Variants in TIE1 observed in about 807,000 individuals in gnomAD.
TIE1 encodes the protein tyrosine kinase with immunoglobulin like and EGF like domains 1.
A neutral mutation model predicts 130.5 loss-of-function variants in TIE1; 89 were observed. That is an observed-to-expected ratio of 0.68 (90% CI 0.57 to 0.81). TIE1 has a LOEUF of 0.81. Among genes scored for constraint, TIE1 ranks in the 40% least tolerant of loss-of-function variants. The probability of loss-of-function intolerance (pLI) is 0.00; values close to 1 mark genes in which losing one functional copy is unlikely to be tolerated. For synonymous variants in TIE1, 568 were observed against 629.4 expected (o/e 0.90, Z 1.46); for missense variants, 1,392 against 1,559.8 (o/e 0.89, Z 1.81).
intron 1 of TIE1, among the ~76,000 whole-genome samples, chr1:43,303,686 CCA>C (rs1224132852): frequency 6.6e-6 from 1 of 152,124 alleles, no homozygotes; most frequent in Non-Finnish European, 1.5e-5. Flanking sequence ...ATTTTGTACT[CCA>C]GTCACACAAA....
At position 43,304,972 on chromosome 1, in the gene TIE1, C is replaced by T. The variant is rs1374294004; in HGVS notation, c.180C>T (p.Pro60=). Reference sequence around the variant, plus strand: ...GGGGCTCGGACGCCTGGGGCCCGCCCCTGCTGCTGGAGAAGGACGACCGTA... The same window carrying T: ...GGGGCTCGGACGCCTGGGGCCCGCCTCTGCTGCTGGAGAAGGACGACCGTA... ...AGRGSDAWGP[P]LLLEKDDRIV... is the part of the protein sequence containing the mutation. Residue 60 remains proline, a synonymous_variant, in exon 2 of 23, where the codon CCC becomes CCT. Transcript: ENST00000372476. 1.4e-6 allele frequency: 2 copies of T among 1,474,000 alleles called. No homozygotes were observed. The highest frequency in any genetic ancestry group is 2.5e-5 in the Admixed American group (1 of 39,500). 91.3% of individuals were successfully genotyped at this position (1,474,000 alleles called of 1,614,324 possible). A position where few individuals can be genotyped will look rare whatever the true frequency, so the allele number is the denominator to read the frequency against.
At chr1:43,314,699 A>C (rs1426995314) in intron 14 of TIE1, 1 of 278,108 alleles carries the variant, frequency 3.6e-6, no homozygotes, top group South Asian at 1.4e-4. Context: ...GTGGTGGTGC[A>C]TGCCTGTAAT....
rs755246263 is a variant in TIE1 at position 43,306,958 on chromosome 1, C to T, written c.603C>T (p.Ser201=). The part of the protein sequence containing the change: ...GIYSATYLEA[S]PLGSAFFRLI... ...ACAGTGCCACTTACCTGGAAGCCAG[C>T]CCCCTGGGCAGCGCCTTCTTTCGGC... The change falls in exon 4 of 23, where the codon AGC becomes AGT. Residue 201 remains serine (S), a synonymous_variant. Transcript: ENST00000372476. The surrounding 1 kb of genome is among the most constrained non-coding windows in gnomAD (Gnocchi z 4.9). The T allele has an allele frequency of 3.1e-6, 5 of 1,613,924 alleles. No individual in the cohort carries two copies. Among genetic ancestry groups the T allele is most frequent in the Non-Finnish European group, 8.5e-7 (1 of 1,179,996 alleles).
rs1646876983 is a variant in TIE1, at chr1:43,317,941, A to G, written c.2791A>G (p.Lys931Glu). 1.9e-6 allele frequency: 3 copies of G among 1,614,130 alleles called. No individual in the cohort carries two copies. The highest frequency in any genetic ancestry group is 1.6e-4 in the Middle Eastern group (1 of 6,062). Residue 931 changes from lysine to glutamate, a missense_variant, in exon 17 of 23, where the codon AAA (lysine) becomes GAA (glutamate). Coordinates refer to ENST00000372476, the MANE Select transcript of TIE1 (RefSeq NM_005424.5). The surrounding 1 kb of genome is among the most constrained non-coding windows in gnomAD (Gnocchi z 5.1). ...CGGGAACCTGCTAGATTTTCTGCGG[A>G]AAAGCCGGGTCCTAGAGACTGACCC... Reference protein sequence around the residue: ...PYGNLLDFLRKSRVLETDPAF... With the variant: ...PYGNLLDFLRESRVLETDPAF...
Position 43,319,430 on chromosome 1 carries a change from C to A in TIE1, c.3037-29C>A. On this transcript the variant is annotated intron_variant, in intron 18 of 22. Transcript: ENST00000372476. This position sits in a 1 kb window ranked among gnomAD's most constrained non-coding sequence, Gnocchi z 4.7. ...GCCTCAAACAGGCCCTTCCTCCACA[C>A]TCAGCCCCTCAAACCCATTCTCTCC... 6.2e-7 allele frequency: 1 copy of A among 1,613,740 alleles called. No individual in the cohort carries two copies. Among genetic ancestry groups the A allele is most frequent in the Non-Finnish European group, 8.5e-7 (1 of 1,179,650 alleles).
chr1:43,305,086 C>G lies in TIE1; in HGVS notation c.294C>G (p.Asp98Glu). Residue 98 changes from aspartate to glutamate, a missense_variant, in exon 2 of 23, where the codon GAC becomes GAG. Coordinates refer to ENST00000372476, the MANE Select transcript of TIE1 (RefSeq NM_005424.5). ...VTLRGFSKPS[D>E]LVGVFSCVGG... ...TTCGCGGCTTCTCCAAGCCCTCGGACCTCGTGGGCGTCTTCTCCTGCGTGG... is the reference window on the plus strand; with the variant it reads ...TTCGCGGCTTCTCCAAGCCCTCGGAGCTCGTGGGCGTCTTCTCCTGCGTGG... The G allele has an allele frequency of 6.2e-7, 1 of 1,612,542 alleles. No individual in the cohort carries two copies. Among genetic ancestry groups the G allele is most frequent in the South Asian group, 1.1e-5 (1 of 90,950 alleles).
In TIE1 at chr1:43,317,193, G is replaced by A. The variant is rs776753685; in HGVS notation, c.2410-6G>A. On this transcript the variant is annotated splice_polypyrimidine_tract_variant and splice_region_variant and intron_variant, in intron 14 of 22. Coordinates refer to ENST00000372476, the MANE Select transcript of TIE1 (RefSeq NM_005424.5). This position sits in a 1 kb window ranked among gnomAD's most constrained non-coding sequence, Gnocchi z 5.1. ...ACCGTCTGCCCTCTTGTCTCATCCT[G>A]TGAAGGGCGAGGAGACCATCCTGCA... The A allele has an allele frequency of 6.5e-5, 105 of 1,613,786 alleles. No individual in the cohort carries two copies. Among genetic ancestry groups the A allele is most frequent in the Non-Finnish European group, 8.4e-5 (99 of 1,179,992 alleles).
At position 43,304,852 on chromosome 1, in the gene TIE1, C is replaced by T; in HGVS notation, c.60C>T (p.Gly20=). ...LPILFLASHV[G]AAVDLTLLAN... is the part of the protein sequence containing the mutation. ...GAGTCACTGGTGTCCTGGCCCCAGG[C>T]GCGGCGGTGGACCTGACGCTGCTGG... The change falls in exon 2 of 23, where the codon GGC becomes GGT. Residue 20 remains glycine, a splice_region_variant and synonymous_variant. Coordinates refer to ENST00000372476, the MANE Select transcript of TIE1 (RefSeq NM_005424.5). 7.1e-7 allele frequency: 1 copy of T among 1,417,908 alleles called. No individual in the cohort carries two copies. The highest frequency in any genetic ancestry group is 1.5e-5 in the South Asian group (1 of 65,624). The allele number at this position is 1,417,908 out of a possible 1,614,324, so 87.8% of individuals were successfully genotyped here.
rs1553125317 is a variant in TIE1 at position 43,317,936 on chromosome 1, T to G, written c.2786T>G (p.Leu929Arg). 1.2e-6 allele frequency: 2 copies of G among 1,614,064 alleles called. No homozygotes were observed. The highest frequency in any genetic ancestry group is 1.7e-6 in the Non-Finnish European group (2 of 1,180,024). ...CCCTACGGGAACCTGCTAGATTTTC[T>G]GCGGAAAAGCCGGGTCCTAGAGACT... ...YAPYGNLLDF[L>R]RKSRVLETDP... Residue 929 changes from leucine (L) to arginine (R), a missense_variant, in exon 17 of 23, where the codon CTG becomes CGG. Physicochemically the swap from Leu to Arg is moderately radical, Grantham distance 102. Coordinates refer to ENST00000372476, the MANE Select transcript of TIE1 (RefSeq NM_005424.5). This position sits in a 1 kb window ranked among gnomAD's most constrained non-coding sequence, Gnocchi z 5.1.
Position 43,312,062 on chromosome 1 carries a change from C to T in TIE1, c.1561C>T (p.Leu521=), listed in dbSNP as rs1646801405. 1 of 1,606,838 alleles carries T rather than the reference C, an allele frequency of 6.2e-7. No individual in the cohort carries two copies. The highest frequency in any genetic ancestry group is 1.3e-5 in the African/African-American group (1 of 74,772). The part of the protein sequence containing the change: ...PKTGYSVRVQ[L]SRPGEGGEGA... The stretch of plus-strand genomic sequence containing the variant: ...GACAGGATACAGTGTTCGTGTGCAG[C>T]TGAGCCGGCCAGGGGAAGGAGGAGA... Residue 521 remains leucine, a synonymous_variant, in exon 11 of 23, where the codon CTG becomes TTG. Transcript: ENST00000372476. This position sits in a 1 kb window ranked among gnomAD's most constrained non-coding sequence, Gnocchi z 5.6.
chr1:43,301,221 T>A, intron 1 of TIE1, 92 bp downstream of exon 1: 2 of 1,419,230 alleles, frequency 1.4e-6, no homozygotes, highest in Non-Finnish European at 1.9e-6. Flanking sequence ...AGACAGAAAG[T>A]AGGATGATGG....
intron 3 of TIE1, 37 bp downstream of exon 3, chr1:43,305,380 C>T: frequency 6.7e-7 from 1 of 1,483,218 alleles, no homozygotes; most frequent in African/African-American, 1.4e-5. Flanking sequence ...GGAGGGTAGA[C>T]CCATCGTTCT....
At position 43,313,591 on chromosome 1, in the gene TIE1, T is replaced by A; in HGVS notation, c.2218+166T>A. The stretch of plus-strand genomic sequence containing the variant: ...TCAGCCTTCCATTCTCATGATCCAC[T>A]GTCCCAGGGCTGGGAAAATCATGTC... On this transcript the variant is annotated intron_variant, in intron 13 of 22. Coordinates refer to ENST00000372476, the MANE Select transcript of TIE1 (RefSeq NM_005424.5). This position sits in a 1 kb window ranked among gnomAD's most constrained non-coding sequence, Gnocchi z 6.2. 1.8e-6 allele frequency: 2 copies of A among 1,084,130 alleles called. No homozygotes were observed. Among genetic ancestry groups the A allele is most frequent in the Non-Finnish European group, 2.6e-6 (2 of 770,026 alleles). 67.2% of individuals were successfully genotyped at this position (1,084,130 alleles called of 1,614,324 possible). A position where few individuals can be genotyped will look rare whatever the true frequency, so the allele number is the denominator to read the frequency against.
Position 43,319,606 on chromosome 1 carries a change from A to T in TIE1, c.3107+77A>T. On this transcript the variant is annotated intron_variant, in intron 19 of 22. Coordinates refer to ENST00000372476, the MANE Select transcript of TIE1 (RefSeq NM_005424.5). This position sits in a 1 kb window ranked among gnomAD's most constrained non-coding sequence, Gnocchi z 4.7. ...AGGCCTGACCTAGACATATCTCAGA[A>T]ATGTCATAGGTGGTCTAAGGCATGA... 2 of 1,444,568 alleles carry T rather than the reference A, an allele frequency of 1.4e-6. No homozygotes were observed. Among genetic ancestry groups the T allele is most frequent in the Non-Finnish European group, 1.9e-6 (2 of 1,026,572 alleles). The allele number at this position is 1,444,568 out of a possible 1,614,324, so 89.5% of individuals were successfully genotyped here. A position where few individuals can be genotyped will look rare whatever the true frequency, so the allele number is the denominator to read the frequency against.
Position 43,304,237 on chromosome 1 carries a change from A to G in TIE1, c.59-614A>G, listed in dbSNP as rs559930753. Among the ~76,000 whole-genome samples the G allele has an allele frequency of 9.8e-5, 15 of 152,304 alleles. No individual in the cohort carries two copies. The East Asian group carries it at 2.5e-3, about 25-fold the overall frequency. On this transcript the variant is annotated intron_variant, in intron 1 of 22. Transcript: ENST00000372476. ...GGCGTGAGCCACCGCACCCAGCCCTAGCTCCATTTCTGTGCCACAACCTTC... is the reference window on the plus strand; with the variant it reads ...GGCGTGAGCCACCGCACCCAGCCCTGGCTCCATTTCTGTGCCACAACCTTC...
At position 43,305,098 on chromosome 1, in the gene TIE1, C is replaced by T; in HGVS notation, c.306C>T (p.Val102=). 6.2e-7 allele frequency: 1 copy of T among 1,613,242 alleles called. No homozygotes were observed. Among genetic ancestry groups the T allele is most frequent in the South Asian group, 1.1e-5 (1 of 91,014 alleles). The change falls in exon 2 of 23, where the codon GTC becomes GTT. Residue 102 remains valine (V), a synonymous_variant. Transcript: ENST00000372476. The stretch of plus-strand genomic sequence containing the variant: ...CCAAGCCCTCGGACCTCGTGGGCGT[C>T]TTCTCCTGCGTGGGCGGTGCTGGGG... ...GFSKPSDLVG[V]FSCVGGAGAR...
chr1:43,308,060 T>A, intron 7 of TIE1, 136 bp downstream of exon 7: 1 of 1,325,552 alleles, frequency 7.5e-7, no homozygotes, highest in Non-Finnish European at 1.0e-6. Flanking sequence ...TAGAGTCTGA[T>A]GGACAGGGAG....
chr1:43,323,041 T>G lies in TIE1; in HGVS notation c.*319T>G. On this transcript the variant is annotated 3_prime_UTR_variant, in exon 23 of 23. Coordinates refer to ENST00000372476, the MANE Select transcript of TIE1 (RefSeq NM_005424.5). Reference sequence around the variant, plus strand: ...TAAGCCAGCACTCACACCACTAACATGCCCTGTTCAGCTACTCCCACTCCC... The same window carrying G: ...TAAGCCAGCACTCACACCACTAACAGGCCCTGTTCAGCTACTCCCACTCCC... The G allele has an allele frequency of 6.5e-6, 2 of 308,812 alleles. No homozygotes were observed. Among genetic ancestry groups the G allele is most frequent in the East Asian group, 6.1e-5 (1 of 16,316 alleles). The allele number at this position is 308,812 out of a possible 1,614,324, so 19.1% of individuals were successfully genotyped here.
In TIE1 at chr1:43,307,754, C is replaced by G. The variant is rs201360309; in HGVS notation, c.914-42C>G. 1.2e-6 allele frequency: 2 copies of G among 1,612,248 alleles called. No homozygotes were observed. Among genetic ancestry groups the G allele is most frequent in the East Asian group, 4.5e-5 (2 of 44,824 alleles). The stretch of plus-strand genomic sequence containing the variant: ...CGCCCTCATCTGTGCCCTCATTGCC[C>G]CCTGTCCCATGCCCCTCTAATCATA... On this transcript the variant is annotated intron_variant, in intron 6 of 22. Coordinates refer to ENST00000372476, the MANE Select transcript of TIE1 (RefSeq NM_005424.5). The surrounding 1 kb of genome is among the most constrained non-coding windows in gnomAD (Gnocchi z 5.4).
Sources: gnomAD v4.1 joint callset for allele counts (sites outside exome capture counted in the v4.1 genomes callset) on GRCh38, gnomAD v4.1.1 for gene constraint, Gnocchi (gnomAD v3.1) non-coding constraint, MANE v1.5 for transcripts, NCBI Gene and HGNC (gene_info 2026-07-23, HGNC 2026-07-21) for gene names.